ATP13A3: variants seen among roughly 807,000 people sequenced by gnomAD.
ATP13A3 encodes the protein ATPase 13A3, also known as polyamine-transporting ATPase 13A3.
A neutral mutation model predicts 158.1 loss-of-function variants in ATP13A3; 59 were observed. The ratio of observed to expected loss-of-function variants is 0.37; its 90% confidence interval spans 0.30 to 0.46. The LOEUF is 0.46. Ranked by LOEUF, ATP13A3 falls within the 20% of genes least tolerant of loss-of-function variation. The pLI is 1.00. For missense variants in ATP13A3, 1,166 were observed against 1,525.2 expected (o/e 0.76, Z 3.92); for synonymous variants, 491 against 504.3 (o/e 0.97, Z 0.35).
At chr3:194,417,958 C>CGGAAGGAAGGAAGGAAGGAAGGAAGGAA (rs1198337838) in intron 31 of ATP13A3, among the ~76,000 whole-genome samples, 4 of 76,786 alleles carry the variant, frequency 5.2e-5, no homozygotes, top group African/African-American at 2.2e-4. Context: ...GACGGACGGA[C>CGGAAGGAAGGAAGGAAGGAAGGAAGGAA]GGAAGGAAGG....
rs1718553726 is a variant in ATP13A3, at chr3:194,448,402, T to A, written c.1150+55A>T. 6.4e-7 allele frequency: 1 copy of A among 1,564,686 alleles called. No homozygotes were observed. The highest frequency in any genetic ancestry group is 1.1e-5 in the South Asian group (1 of 89,022). ...CCAGAATCTCTTTTTAAACATTTAG[T>A]AGGTATCAAATATGCTGAAACATGC... is the stretch of plus-strand genomic sequence containing the variant. On this transcript the variant is annotated intron_variant, in intron 12 of 33. Coordinates refer to ENST00000645319, the MANE Select transcript of ATP13A3 (RefSeq NM_001367549.1). This position sits in a 1 kb window ranked among gnomAD's most constrained non-coding sequence, Gnocchi z 4.0.
rs1385048986 is a variant in ATP13A3, at chr3:194,413,860, A to C, written c.3403-21T>G. On this transcript the variant is annotated intron_variant, in intron 31 of 33. Coordinates refer to ENST00000645319, the MANE Select transcript of ATP13A3 (RefSeq NM_001367549.1). ...ACTATCTGTAATGCAAAAACATTTTAAAGTTAAAATTGTTGTATGTAGTCA... is the reference window on the plus strand; with the variant it reads ...ACTATCTGTAATGCAAAAACATTTTCAAGTTAAAATTGTTGTATGTAGTCA... 5 of 1,597,652 alleles carry C rather than the reference A, an allele frequency of 3.1e-6. No homozygotes were observed. In the African/African-American group the frequency reaches 6.7e-5, roughly 21 times the overall value.
chr3:194,417,804 T>A (rs994758888), intron 31 of ATP13A3, among the ~76,000 whole-genome samples: 65 of 151,832 alleles, frequency 4.3e-4, no homozygotes, highest in African/African-American at 1.4e-3. Flanking sequence ...TTACAAAAAA[T>A]TTTAAAATTT....
In ATP13A3 at chr3:194,493,807, C is replaced by T. The variant is rs114712501; in HGVS notation, n.746+243G>A. ...ATGTTATCTCATTTAATCATCACAACGATGCCAACACTAAAAGTAGTAGTG... is the reference window on the plus strand; with the variant it reads ...ATGTTATCTCATTTAATCATCACAATGATGCCAACACTAAAAGTAGTAGTG... On this transcript the variant is annotated intron_variant and non_coding_transcript_variant, in intron 2 of 32. Coordinates refer to the ATP13A3 transcript ENST00000687055. Among the ~76,000 whole-genome samples, 1,440 of 152,168 alleles carry T rather than the reference C, an allele frequency of 9.5e-3. 23 individuals carry two copies. The highest frequency in any genetic ancestry group is 0.032 in the African/African-American group (1,340 of 41,462).
upstream of ATP13A3, among the ~76,000 whole-genome samples, chr3:194,490,873 T>C (rs1391034592): frequency 6.6e-6 from 1 of 152,228 alleles, no homozygotes; most frequent in Non-Finnish European, 1.5e-5. The surrounding 1 kb of genome is among the most constrained non-coding windows in gnomAD (Gnocchi z 4.4). Flanking sequence ...AGGCTGGGCA[T>C]GGTGGCTCAC....
At chr3:194,410,135 A>G (rs761149700) in intron 33 of ATP13A3, among the ~76,000 whole-genome samples, 21 of 151,430 alleles carry the variant, frequency 1.4e-4, no homozygotes, top group Non-Finnish European at 2.2e-4. Flanking sequence ...TCCCATGAAC[A>G]CTTCAGAGGT....
chr3:194,427,356 T>A, intron 28 of ATP13A3, 104 bp from the exon 29 acceptor site: 1 of 1,028,094 alleles, frequency 9.7e-7, no homozygotes, highest in Non-Finnish European at 1.4e-6. Flanking sequence ...TGTTTTTGCC[T>A]AACAATTCTT....
chr3:194,450,042 G>A, intron 11 of ATP13A3, 103 bp downstream of exon 11: 5 of 1,220,962 alleles, frequency 4.1e-6, no homozygotes, highest in Admixed American at 4.7e-5. Context: ...ATATTCATGA[G>A]TAAAGGTACA....
chr3:194,456,164 C>G (rs1402988772), intron 7 of ATP13A3, among the ~76,000 whole-genome samples: 2 of 152,054 alleles, frequency 1.3e-5, no homozygotes, highest in African/African-American at 2.4e-5. Context: ...TAGCACTTAA[C>G]TTCATTTTGT....
At chr3:194,424,993 G>C (rs769483926) in intron 30 of ATP13A3, among the ~76,000 whole-genome samples, 9 of 152,102 alleles carry the variant, frequency 5.9e-5, no homozygotes, top group Non-Finnish European at 1.3e-4. Context: ...AGTGGGCTGA[G>C]GAACCTCCGT....
At chr3:194,464,279 A>G (rs1353014553) in intron 2 of ATP13A3, among the ~76,000 whole-genome samples, 1 of 152,248 alleles carries the variant, frequency 6.6e-6, no homozygotes, top group East Asian at 1.9e-4. Context: ...ATAAATAACC[A>G]GTAAGATACT....
rs751325337 is a variant in ATP13A3 at position 194,457,032 on chromosome 3, TTATG to T, written c.560+58_560+61del. The T allele has an allele frequency of 1.6e-4, 196 of 1,200,514 alleles. No individual in the cohort carries two copies. The Middle Eastern group carries it at 1.7e-3, about 11-fold the overall frequency. 74.4% of individuals were successfully genotyped at this position (1,200,514 alleles called of 1,614,324 possible). On this transcript the variant is annotated intron_variant, in intron 7 of 33. Transcript: ENST00000645319. ...GTACAACTATATGGTAAAGGGTTGA[TTATG>T]TATACTACTGCTTTTAGGAATTTTG...
Position 194,431,011 on chromosome 3 carries a change from A to T in ATP13A3, c.2556T>A (p.His852Gln), listed in dbSNP as rs2108815636. 6.2e-7 allele frequency: 1 copy of T among 1,613,810 alleles called. No individual in the cohort carries two copies. Among genetic ancestry groups the T allele is most frequent in the African/African-American group, 1.3e-5 (1 of 75,056 alleles). ...GTGCCATACGGGCAAACACGGTGCC[A>T]TGCAACATCAACTGGAAACAATAAT... ...FQDLVPKLML[H>Q]GTVFARMAPD... Residue 852 changes from histidine to glutamine, a missense_variant, in exon 24 of 34, where the codon CAT becomes CAA. This residue lies in a region of ATP13A3 where 997 missense variants were observed against 1,341.2 expected (regional missense o/e 0.74). Transcript: ENST00000645319.
intron 2 of ATP13A3, among the ~76,000 whole-genome samples, chr3:194,470,610 T>C (rs1720257832): frequency 6.6e-6 from 1 of 152,234 alleles, no homozygotes; most frequent in African/African-American, 2.4e-5. Flanking sequence ...ATCATTTATA[T>C]GCAATGTAAT....
chr3:194,479,872 A>G (rs1338673657), intron 2 of ATP13A3, among the ~76,000 whole-genome samples: 1 of 152,218 alleles, frequency 6.6e-6, no homozygotes, highest in African/African-American at 2.4e-5. Flanking sequence ...CAAACACACC[A>G]GAGACACAAA....
At chr3:194,449,651 T>C (rs569440173) in intron 11 of ATP13A3, among the ~76,000 whole-genome samples, 32 of 151,200 alleles carry the variant, frequency 2.1e-4, no homozygotes, top group South Asian at 1.9e-3. Flanking sequence ...CTCTCCATCC[T>C]GGGTGACAGA....
intron 14 of ATP13A3, 98 bp downstream of exon 14, chr3:194,446,829 T>C: frequency 8.6e-7 from 1 of 1,159,914 alleles, no homozygotes; most frequent in Non-Finnish European, 1.2e-6. Context: ...CATGACAGAA[T>C]GTGTCCAAAT....
At chr3:194,435,868 C>T (rs1242755527) in intron 20 of ATP13A3, among the ~76,000 whole-genome samples, 1 of 152,068 alleles carries the variant, frequency 6.6e-6, no homozygotes, top group African/African-American at 2.4e-5. Flanking sequence ...CATCGTGCCA[C>T]TGCACTCCAG....
chr3:194,426,676 T>C (rs1456574147), intron 29 of ATP13A3, among the ~76,000 whole-genome samples: 1 of 152,112 alleles, frequency 6.6e-6, no homozygotes. Flanking sequence ...AGCCAAATTA[T>C]GTAAGTGTTT....
Sources: gnomAD v4.1 joint callset for allele counts (sites outside exome capture counted in the v4.1 genomes callset) on GRCh38, gnomAD v4.1.1 for gene constraint, gnomAD v4.1.1 regional missense constraint, Gnocchi (gnomAD v3.1) non-coding constraint, MANE v1.5 for transcripts, NCBI Gene and HGNC (gene_info 2026-07-23, HGNC 2026-07-21) for gene names.